Variants in CERS3 observed in about 807,000 individuals in gnomAD.
CERS3 encodes ceramide synthase 3, also known as LAG1 homolog, ceramide synthase 3.
Under a neutral mutation model 50.3 loss-of-function variants are expected in CERS3, and 33 were observed. The observed-to-expected ratio is 0.66, with a 90% CI of 0.50 to 0.88. The LOEUF is 0.88. Ranked by LOEUF, CERS3 falls within the 40% of genes least tolerant of loss-of-function variation. The probability of loss-of-function intolerance (pLI) is 0.00; values close to 1 mark genes in which losing one functional copy is unlikely to be tolerated. For synonymous variants in CERS3, 176 were observed against 155.2 expected (o/e 1.13, Z -0.99); for missense variants, 470 against 460.3 (o/e 1.02, Z -0.19).
At chr15:100,476,872 T>C (rs573221777) in intron 7 of CERS3, among the ~76,000 whole-genome samples, 3 of 152,326 alleles carry the variant, frequency 2.0e-5, no homozygotes, top group South Asian at 4.1e-4. Flanking sequence ...TCCTGGTCTT[T>C]GGTCAAGGAG....
intron 11 of CERS3, among the ~76,000 whole-genome samples, chr15:100,444,183 C>T (rs2033831173): frequency 6.6e-6 from 1 of 152,134 alleles, no homozygotes; most frequent in Non-Finnish European, 1.5e-5. Flanking sequence ...TTTTAGAAGC[C>T]CTTAAAATCA....
Position 100,433,263 on chromosome 15 carries a change from A to G in CERS3, c.999+22630T>C, listed in dbSNP as rs577685720. ...AAAAAAAAAAAAAAAATTCAATTCAAGTACCTAAGATTGCAAATGACTTGA... is the reference window on the plus strand; with the variant it reads ...AAAAAAAAAAAAAAAATTCAATTCAGGTACCTAAGATTGCAAATGACTTGA... On this transcript the variant is annotated intron_variant, in intron 11 of 11. Transcript: ENST00000679737. 2.0e-5 allele frequency among the ~76,000 whole-genome samples: 3 copies of G among 151,964 alleles called. No individual in the cohort carries two copies. In the South Asian group the frequency reaches 6.2e-4, roughly 32 times the overall value.
At chr15:100,413,768 T>G (rs1308282837) in intron 11 of CERS3, among the ~76,000 whole-genome samples, 1 of 64,744 alleles carries the variant, frequency 1.5e-5, no homozygotes, top group African/African-American at 4.8e-5. Context: ...CCCACAGAAA[T>G]ACAAGAAAAA....
intron 11 of CERS3, among the ~76,000 whole-genome samples, chr15:100,405,707 T>C (rs1317329693): frequency 6.6e-6 from 1 of 152,178 alleles, no homozygotes; most frequent in Non-Finnish European, 1.5e-5. Context: ...GAAAGAGTTA[T>C]TTGGGTTGAT....
chr15:100,461,221 C>A (rs1567634240), intron 10 of CERS3, among the ~76,000 whole-genome samples: 1 of 152,182 alleles, frequency 6.6e-6, no homozygotes, highest in African/African-American at 2.4e-5. Flanking sequence ...GTCACTGAGC[C>A]TTAGTTCCTT....
At chr15:100,424,979 T>C (rs1175533495) in intron 11 of CERS3, among the ~76,000 whole-genome samples, 1 of 152,158 alleles carries the variant, frequency 6.6e-6, no homozygotes, top group Non-Finnish European at 1.5e-5. Context: ...CTCAGGCCAC[T>C]GTTCCAGAGG....
At chr15:100,525,784 C>T (rs1031300731) in intron 1 of CERS3, among the ~76,000 whole-genome samples, 2 of 152,226 alleles carry the variant, frequency 1.3e-5, no homozygotes, top group East Asian at 1.9e-4. Flanking sequence ...GCAGCACATA[C>T]AGCATGGCTG....
rs141230423 is a variant in CERS3, at chr15:100,490,783, T to G, written c.288+34A>C. 3.4e-4 allele frequency: 456 copies of G among 1,340,436 alleles called. 2 individuals are homozygous for G. The African/African-American group carries it at 5.3e-3, about 16-fold the overall frequency. The allele number at this position is 1,340,436 out of a possible 1,614,324, so 83.0% of individuals were successfully genotyped here. A position where few individuals can be genotyped will look rare whatever the true frequency, so the allele number is the denominator to read the frequency against. ...ATAATTGAACCATTAAGAAAGAAGATTTTTAAGTCGAAAAGCAAAGAATTT... is the reference window on the plus strand; with the variant it reads ...ATAATTGAACCATTAAGAAAGAAGAGTTTTAAGTCGAAAAGCAAAGAATTT... On this transcript the variant is annotated intron_variant, in intron 4 of 11. Transcript: ENST00000679737.
chr15:100,402,716 A>G lies in CERS3; in HGVS notation c.1149T>C (p.His383=). The change falls in exon 12 of 12, where the codon CAT becomes CAC. Residue 383 remains histidine, a synonymous_variant. Transcript: ENST00000679737. ...TGGGAGTCCTGTAGGCTTCCAGCTA[A>G]TGGCCATGCTGGCCATTGGGAATGA... ...RHLIPNGQHG[H] 8.1e-6 allele frequency: 13 copies of G among 1,613,916 alleles called. No homozygotes were observed. The highest frequency in any genetic ancestry group is 1.0e-5 in the Non-Finnish European group (12 of 1,179,978).
At chr15:100,509,216 G>A (rs1333241628) in intron 2 of CERS3, among the ~76,000 whole-genome samples, 2 of 152,132 alleles carry the variant, frequency 1.3e-5, no homozygotes, top group Non-Finnish European at 2.9e-5. Context: ...TCAGATGGAC[G>A]CCATTCCATT....
chr15:100,486,414 A>G (rs931908944), intron 4 of CERS3, among the ~76,000 whole-genome samples: 6 of 152,182 alleles, frequency 3.9e-5, no homozygotes, highest in Non-Finnish European at 7.3e-5. Context: ...ATGGGATATT[A>G]AGAGAATGTT....
chr15:100,491,894 T>TTA lies in CERS3; in HGVS notation c.174-964_174-963insTA, dbSNP rs1491107900. Among the ~76,000 whole-genome samples the TTA allele has an allele frequency of 1.1e-3, 5 of 4,376 alleles. No individual in the cohort carries two copies. The Non-Finnish European group carries it at 0.013, about 12-fold the overall frequency. 2.9% of individuals were successfully genotyped at this position (4,376 alleles called of 152,430 possible). A position where few individuals can be genotyped will look rare whatever the true frequency, so the allele number is the denominator to read the frequency against. On this transcript the variant is annotated intron_variant, in intron 3 of 11. Coordinates refer to ENST00000679737, the MANE Select transcript of CERS3 (RefSeq NM_001378789.1). ...TTGATTTCTTTCTGTTATTGATTTC[T>TTA]TTTTTTTTTTTTAAGAGATGAGGGT...
At chr15:100,457,473 T>C (rs1243684437) in intron 10 of CERS3, among the ~76,000 whole-genome samples, 1 of 152,250 alleles carries the variant, frequency 6.6e-6, no homozygotes, top group Non-Finnish European at 1.5e-5. Context: ...CATAATGCTT[T>C]TAAGATTCAT....
At chr15:100,450,180 G>A (rs2034102553) in intron 11 of CERS3, among the ~76,000 whole-genome samples, 1 of 152,072 alleles carries the variant, frequency 6.6e-6, no homozygotes, top group Non-Finnish European at 1.5e-5. Context: ...CAGCACTTTA[G>A]GAGGCCAAGG....
At position 100,484,647 on chromosome 15, in the gene CERS3, T is replaced by C; in HGVS notation, c.310A>G (p.Lys104Glu). 1.9e-6 allele frequency: 3 copies of C among 1,613,938 alleles called. No individual in the cohort carries two copies. In the South Asian group the frequency reaches 3.3e-5, roughly 18 times the overall value. The change falls in exon 5 of 12, where the codon AAG (lysine) becomes GAG (glutamate). Residue 104 changes from lysine (K) to glutamate (E), a missense_variant. Lys to Glu is a moderately conservative substitution (Grantham distance 56). Transcript: ENST00000679737. ...TGGCGCTCCGTCAAGTTACACTTCT[T>C]TGCCAGTCCATAAATATCAGTCTGA... ...PLQTDIYGLA[K>E]KCNLTERQVE...
At chr15:100,407,810 G>A (rs2031170156) in intron 11 of CERS3, among the ~76,000 whole-genome samples, 1 of 152,146 alleles carries the variant, frequency 6.6e-6, no homozygotes, top group Non-Finnish European at 1.5e-5. Context: ...AAAGTATATA[G>A]GAGGCAGTGT....
intron 2 of CERS3, among the ~76,000 whole-genome samples, chr15:100,504,554 T>C (rs945845528): frequency 6.6e-6 from 1 of 152,206 alleles, no homozygotes; most frequent in African/African-American, 2.4e-5. Context: ...AATGGACTAT[T>C]CTTTTATTAG....
At chr15:100,414,107 A>G (rs2031708221) in intron 11 of CERS3, among the ~76,000 whole-genome samples, 1 of 152,166 alleles carries the variant, frequency 6.6e-6, no homozygotes, top group Admixed American at 6.5e-5. Context: ...TGTCAGCATC[A>G]TTCTGATACC....
rs572307743 is a variant in CERS3, at chr15:100,502,853, G to T, written c.-1-1003C>A. 8.5e-5 allele frequency among the ~76,000 whole-genome samples: 13 copies of T among 152,082 alleles called. No individual in the cohort carries two copies. In the South Asian group the frequency reaches 2.3e-3, roughly 27 times the overall value. On this transcript the variant is annotated intron_variant, in intron 2 of 11. Transcript: ENST00000679737. ...GGTTGCTGTGGGAACAAGATGATGG[G>T]CACTGAGCCCAACCAGGAAATATCA...
Sources: allele counts gnomAD v4.1 joint callset (sites outside exome capture counted in the v4.1 genomes callset), GRCh38; gene constraint gnomAD v4.1.1; transcripts MANE v1.5; gene names NCBI Gene and HGNC (gene_info 2026-07-23, HGNC 2026-07-21).